The following MLIP variants were observed in gnomAD, a reference collection of about 807,000 sequenced individuals.
MLIP encodes muscular LMNA-interacting protein.
A neutral mutation model predicts 84.8 loss-of-function variants in MLIP; 79 were observed. That is an observed-to-expected ratio of 0.93 (90% CI 0.78 to 1.12). MLIP has a LOEUF of 1.12. Ranked by LOEUF, MLIP falls within the 50% of genes most tolerant of loss-of-function variation. The pLI is 0.00. For missense variants in MLIP, 1,257 were observed against 1,160.6 expected (o/e 1.08, Z -1.21); for synonymous variants, 504 against 463.0 (o/e 1.09, Z -1.14).
chr6:54,203,428 A>T (rs953471623), intron 11 of MLIP, among the ~76,000 whole-genome samples: 35 of 152,014 alleles, frequency 2.3e-4, no homozygotes, highest in African/African-American at 7.7e-4. Flanking sequence ...TTAAAATTTT[A>T]GTTTGAAAAT....
chr6:54,093,030 C>T (rs1316118234), intron 1 of MLIP, among the ~76,000 whole-genome samples: 4 of 152,140 alleles, frequency 2.6e-5, no homozygotes, highest in African/African-American at 9.7e-5. Flanking sequence ...GCATGCACCA[C>T]CATGCCCAGC....
At chr6:54,057,055 G>A (rs1249306462) in intron 1 of MLIP, among the ~76,000 whole-genome samples, 2 of 152,194 alleles carry the variant, frequency 1.3e-5, no homozygotes, top group Non-Finnish European at 2.9e-5. Flanking sequence ...CATTTTATAT[G>A]TATTCACTCA....
chr6:54,100,148 G>A (rs779615273), intron 1 of MLIP, among the ~76,000 whole-genome samples: 1 of 152,126 alleles, frequency 6.6e-6, no homozygotes, highest in Non-Finnish European at 1.5e-5. Flanking sequence ...TGCTCATCAT[G>A]TTGGAGACGT....
rs1420980147 is a variant in MLIP at position 54,265,998 on chromosome 6, G to A, written c.*43G>A. ...AAAACACAGGCTGCTGAAGTTTTTT[G>A]GAATGCTGGTGCTAACCACTTGCTA... On this transcript the variant is annotated 3_prime_UTR_variant, in exon 14 of 14. Transcript: ENST00000502396. 8 of 1,606,468 alleles carry A rather than the reference G, an allele frequency of 5.0e-6. No homozygotes were observed. The highest frequency in any genetic ancestry group is 6.8e-6 in the Non-Finnish European group (8 of 1,175,434).
At chr6:54,243,394 G>A (rs1781867821) in intron 12 of MLIP, among the ~76,000 whole-genome samples, 1 of 152,108 alleles carries the variant, frequency 6.6e-6, no homozygotes, top group South Asian at 2.1e-4. Context: ...TGTGAAGTTA[G>A]CATCAATTAA....
chr6:54,156,236 C>A (rs1416635036), intron 5 of MLIP, among the ~76,000 whole-genome samples: 2 of 152,012 alleles, frequency 1.3e-5, no homozygotes, highest in Non-Finnish European at 2.9e-5. Flanking sequence ...TTAAAAAAAT[C>A]AATTCTAGTA....
At chr6:54,172,321 A>G (rs1200495499) in intron 9 of MLIP, among the ~76,000 whole-genome samples, 1 of 151,636 alleles carries the variant, frequency 6.6e-6, no homozygotes, top group African/African-American at 2.4e-5. Context: ...CACTATTTCT[A>G]GCTCTGTTAT....
chr6:54,117,963 A>ACAG (rs1770098939), intron 1 of MLIP, among the ~76,000 whole-genome samples: 2 of 128,826 alleles, frequency 1.6e-5, no homozygotes, highest in Non-Finnish European at 3.3e-5. Context: ...AACAACAACA[A>ACAG]CAACAGCAAC....
intron 1 of MLIP, among the ~76,000 whole-genome samples, chr6:54,088,509 C>A (rs904221395): frequency 6.6e-6 from 1 of 152,174 alleles, no homozygotes; most frequent in East Asian, 1.9e-4. Flanking sequence ...CTAGCCCATA[C>A]TTTTAATTAC....
chr6:54,259,631 G>A (rs1248833976), intron 13 of MLIP, among the ~76,000 whole-genome samples: 1 of 151,826 alleles, frequency 6.6e-6, no homozygotes, highest in Admixed American at 6.6e-5. Flanking sequence ...TAGTGGATAA[G>A]ATTGCCATAA....
intron 1 of MLIP, among the ~76,000 whole-genome samples, chr6:54,103,073 G>A (rs1768771491): frequency 6.6e-6 from 1 of 152,100 alleles, no homozygotes. Context: ...AGGGCAAAGA[G>A]GAATTAACTA....
intron 1 of MLIP, among the ~76,000 whole-genome samples, chr6:54,102,394 G>T (rs1017390844): frequency 8.5e-5 from 13 of 152,244 alleles, no homozygotes; most frequent in African/African-American, 2.9e-4. Flanking sequence ...ACAGACTATG[G>T]TTGCCAACAG....
At chr6:54,023,179 TA>T (rs1561871687) in intron 1 of MLIP, among the ~76,000 whole-genome samples, 9 of 148,962 alleles carry the variant, frequency 6.0e-5, no homozygotes, top group East Asian at 5.9e-4. Context: ...AAAATAATAA[TA>T]ATAATAATAA....
At chr6:54,226,775 A>G (rs1025412995) in intron 11 of MLIP, among the ~76,000 whole-genome samples, 1 of 152,240 alleles carries the variant, frequency 6.6e-6, no homozygotes, top group Non-Finnish European at 1.5e-5. Context: ...AAAAAAATAA[A>G]AAGAATACTT....
At chr6:54,248,042 A>G (rs1214988487) in intron 12 of MLIP, among the ~76,000 whole-genome samples, 1 of 152,116 alleles carries the variant, frequency 6.6e-6, no homozygotes, top group African/African-American at 2.4e-5. Flanking sequence ...CTTGGATGGG[A>G]TTAACGCAGG....
At chr6:54,251,646 T>C (rs1462267993) in intron 12 of MLIP, among the ~76,000 whole-genome samples, 2 of 100,936 alleles carry the variant, frequency 2.0e-5, no homozygotes, top group Non-Finnish European at 3.7e-5. Context: ...TATTATAACA[T>C]ATAATATATA....
chr6:54,181,311 G>A (rs963553422), intron 9 of MLIP, among the ~76,000 whole-genome samples: 15 of 152,148 alleles, frequency 9.9e-5, no homozygotes, highest in Non-Finnish European at 1.8e-4. Context: ...ATGGGCTGGG[G>A]CGGTGGTCTG....
intron 1 of MLIP, among the ~76,000 whole-genome samples, chr6:54,085,325 A>C (rs572427837): frequency 2.0e-4 from 30 of 152,316 alleles, no homozygotes; most frequent in Non-Finnish European, 1.8e-4. Context: ...TGCTACAGCT[A>C]TTGCTTGCTG....
At chr6:54,149,639 G>A (rs1773229718) in intron 5 of MLIP, among the ~76,000 whole-genome samples, 1 of 151,980 alleles carries the variant, frequency 6.6e-6, no homozygotes, top group Non-Finnish European at 1.5e-5. Flanking sequence ...TTCCATTGTG[G>A]ACTAAACCTC....
Sources: gnomAD v4.1 joint callset for allele counts (sites outside exome capture counted in the v4.1 genomes callset) on GRCh38, gnomAD v4.1.1 for gene constraint, MANE v1.5 for transcripts, NCBI Gene and HGNC (gene_info 2026-07-23, HGNC 2026-07-21) for gene names.